KANSL1: variants seen among roughly 807,000 people sequenced by gnomAD.
The protein encoded by KANSL1 is KAT8 regulatory NSL complex subunit 1.
In KANSL1, 22 loss-of-function variants were observed where a neutral mutation model predicts 103.6. The ratio of observed to expected loss-of-function variants is 0.21; its 90% CI spans 0.15 to 0.30. The LOEUF (loss-of-function observed/expected upper bound fraction) is 0.30, where lower values mean the gene tolerates loss of function less well. KANSL1 is among the 10% of genes least tolerant of loss of function. The pLI is 1.00. For missense variants in KANSL1, 1,337 were observed against 1,399.8 expected (o/e 0.96, Z 0.72); for synonymous variants, 600 against 527.6 (o/e 1.14, Z -1.88).
Position 46,050,606 on chromosome 17 carries a change from G to A in KANSL1, c.1947C>T (p.His649=). 6.2e-7 allele frequency: 1 copy of A among 1,614,214 alleles called. No individual in the cohort carries two copies. Among genetic ancestry groups the A allele is most frequent in the Non-Finnish European group, 8.5e-7 (1 of 1,180,036 alleles). Residue 649 remains histidine (H), a synonymous_variant, in exon 7 of 15, where the codon CAC becomes CAT. Coordinates refer to ENST00000432791, the MANE Select transcript of KANSL1 (RefSeq NM_015443.4). ...GACGTTCCAACAGAGGGGCTTCATA[G>A]TGAATTTCGGGAGGCATGGTGTTGA... The part of the protein sequence containing the change: ...GSINTMPPEI[H]YEAPLLERLS...
chr17:46,061,925 C>T (rs992167581), intron 6 of KANSL1, among the ~76,000 whole-genome samples: 31 of 151,998 alleles, frequency 2.0e-4, no homozygotes, highest in Non-Finnish European at 3.2e-4. Flanking sequence ...AACCTTGTCT[C>T]TACTAAAAAT....
At chr17:46,055,479 A>AG (rs1258409925) in intron 6 of KANSL1, among the ~76,000 whole-genome samples, 1 of 151,706 alleles carries the variant, frequency 6.6e-6, no homozygotes, top group Admixed American at 6.6e-5. Flanking sequence ...AAAAAAAAAA[A>AG]GTGAAAAAAG....
rs201016790 is a variant in KANSL1, at chr17:46,171,810, G to A, written c.334C>T (p.Pro112Ser). 3.7e-6 allele frequency: 6 copies of A among 1,614,102 alleles called. No homozygotes were observed. The highest frequency in any genetic ancestry group is 2.2e-5 in the East Asian group (1 of 44,890). The stretch of plus-strand genomic sequence containing the variant: ...AGTTCATAGGACTGAGATAAGAGAG[G>A]ATGAGATTTAAGGACTGTCTGCTTG... Reference protein sequence around the residue: ...FSKQTVLKSHPLLSQSYELRA... With the variant: ...FSKQTVLKSHSLLSQSYELRA... The change falls in exon 2 of 15, where the codon CCT becomes TCT. Residue 112 changes from proline (P) to serine (S), a missense_variant. By Grantham distance (74) the Pro-to-Ser change is moderately conservative. Transcript: ENST00000432791.
intron 2 of KANSL1, among the ~76,000 whole-genome samples, chr17:46,165,221 T>C (rs2045934754): frequency 8.9e-6 from 1 of 112,964 alleles, no homozygotes; most frequent in South Asian, 2.4e-4. Context: ...AGAGTTACTT[T>C]TTTTTATTTT....
At chr17:46,200,909 CTT>C (rs112647480) in intron 1 of KANSL1, among the ~76,000 whole-genome samples, 2 of 147,026 alleles carry the variant, frequency 1.4e-5, no homozygotes, top group Non-Finnish European at 3.0e-5. Context: ...AAGGGAATTA[CTT>C]TTTTTTTTTT....
Position 46,161,413 on chromosome 17 carries a change from G to C in KANSL1, c.1289+9442C>G, listed in dbSNP as rs577379341. Among the ~76,000 whole-genome samples, 151 of 152,004 alleles carry C rather than the reference G, an allele frequency of 9.9e-4. 1 individual carries two copies. Among genetic ancestry groups the C allele is most frequent in the African/African-American group, 3.4e-3 (141 of 41,438 alleles). On this transcript the variant is annotated intron_variant, in intron 2 of 14. Coordinates refer to ENST00000432791, the MANE Select transcript of KANSL1 (RefSeq NM_015443.4). ...GTCATGCCACTGCACTCCAGCCTGG[G>C]CGACAGAGCGAGACTCTGTCTCAAA...
chr17:46,052,235 T>C (rs1291388365), intron 6 of KANSL1, among the ~76,000 whole-genome samples: 2 of 152,132 alleles, frequency 1.3e-5, no homozygotes, highest in African/African-American at 2.4e-5. Flanking sequence ...CCAGTAGGTA[T>C]AGCAAATAAA....
chr17:46,113,014 C>T (rs2042890062), intron 2 of KANSL1, among the ~76,000 whole-genome samples: 1 of 152,156 alleles, frequency 6.6e-6, no homozygotes, highest in East Asian at 1.9e-4. Context: ...AGCCACCAGG[C>T]CCGGCCGGGA....
intron 2 of KANSL1, among the ~76,000 whole-genome samples, chr17:46,138,693 A>C (rs535953306): frequency 5.2e-5 from 8 of 152,386 alleles, no homozygotes; most frequent in Middle Eastern, 6.8e-3. Flanking sequence ...AGTTGTGTGA[A>C]TACATACGTG....
At chr17:46,105,388 G>A (rs1191616146) in intron 2 of KANSL1, among the ~76,000 whole-genome samples, 4 of 152,074 alleles carry the variant, frequency 2.6e-5, no homozygotes, top group Admixed American at 6.5e-5. Context: ...AGGCTGAGGC[G>A]GGCAGATGAC....
intron 4 of KANSL1, among the ~76,000 whole-genome samples, chr17:46,077,521 T>A (rs1389264045): frequency 6.6e-6 from 1 of 152,170 alleles, no homozygotes; most frequent in African/African-American, 2.4e-5. Flanking sequence ...ACTACAATGT[T>A]GTGATTCTCA....
chr17:46,131,626 G>A (rs2043865518), intron 2 of KANSL1, among the ~76,000 whole-genome samples: 1 of 152,190 alleles, frequency 6.6e-6, no homozygotes, highest in Non-Finnish European at 1.5e-5. Flanking sequence ...GCACTATACA[G>A]TAATCAAAAG....
At position 46,200,074 on chromosome 17, in the gene KANSL1, A is replaced by C. The variant is rs552415064; in HGVS notation, c.-90+23597T>G. ...ACACACACACACACACACCCTGATT[A>C]TTTTGGTGAATTTTAGTTAATTCTA... On this transcript the variant is annotated intron_variant, in intron 1 of 14. Transcript: ENST00000572904. 5.7e-5 allele frequency among the ~76,000 whole-genome samples: 8 copies of C among 140,096 alleles called. No homozygotes were observed. The South Asian group carries it at 1.7e-3, about 30-fold the overall frequency. The allele number at this position is 140,096 out of a possible 152,430, so 91.9% of individuals were successfully genotyped here. A position where few individuals can be genotyped will look rare whatever the true frequency, so the allele number is the denominator to read the frequency against.
At position 46,056,967 on chromosome 17, in the gene KANSL1, A is replaced by G. The variant is rs540929987; in HGVS notation, c.1849-6263T>C. On this transcript the variant is annotated intron_variant, in intron 6 of 14. Transcript: ENST00000432791. ...GAGTAATTACTACAGATATTGCCAA[A>G]TGTCTCCTGTGAGGACAAAATCACT... 1.9e-3 allele frequency among the ~76,000 whole-genome samples: 290 copies of G among 152,360 alleles called. 1 individual carries two copies. The highest frequency in any genetic ancestry group is 6.6e-3 in the African/African-American group (275 of 41,578).
intron 2 of KANSL1, among the ~76,000 whole-genome samples, chr17:46,105,262 A>C (rs117999882): frequency 1.3e-5 from 2 of 152,378 alleles, no homozygotes; most frequent in South Asian, 2.1e-4. Flanking sequence ...TCTTCCTTTC[A>C]AAAGTTAAAC....
intron 2 of KANSL1, among the ~76,000 whole-genome samples, chr17:46,106,460 T>C (rs971869909): frequency 2.0e-5 from 3 of 152,230 alleles, no homozygotes; most frequent in Non-Finnish European, 2.9e-5. Context: ...TGGTGCGATC[T>C]CGGCTCACTG....
chr17:46,129,681 T>C (rs1372603193), intron 2 of KANSL1, among the ~76,000 whole-genome samples: 6 of 152,182 alleles, frequency 3.9e-5, no homozygotes, highest in African/African-American at 1.2e-4. Context: ...GAGATCACTT[T>C]AAAAATAATT....
intron 2 of KANSL1, among the ~76,000 whole-genome samples, chr17:46,116,202 G>A (rs978040125): frequency 2.6e-5 from 4 of 152,118 alleles, no homozygotes; most frequent in Admixed American, 6.6e-5. Flanking sequence ...AGCTCAGCAC[G>A]TAAAGTCCTC....
intron 7 of KANSL1, 67 bp downstream of exon 7, chr17:46,050,466 A>AT (rs2077673974): frequency 6.7e-7 from 1 of 1,494,120 alleles, no homozygotes; most frequent in African/African-American, 1.4e-5. Context: ...ACCTTGGCTG[A>AT]TTTTCTTTCA....
Sources: allele counts gnomAD v4.1 joint callset (sites outside exome capture counted in the v4.1 genomes callset), GRCh38; gene constraint gnomAD v4.1.1; transcripts MANE v1.5; gene names NCBI Gene and HGNC (gene_info 2026-07-23, HGNC 2026-07-21).